The following VSNL1 variants were observed in gnomAD, a reference collection of about 807,000 sequenced individuals.
VSNL1 encodes the protein visinin-like protein 1.
A neutral mutation model predicts 20.4 loss-of-function variants in VSNL1; 6 were observed. That is an observed-to-expected ratio of 0.29 (90% CI 0.16 to 0.58). VSNL1 has a LOEUF of 0.58. Among genes scored for constraint, VSNL1 ranks in the 20% least tolerant of loss-of-function variants. The pLI is 0.90. For missense variants in VSNL1, 100 were observed against 234.5 expected, an observed-to-expected ratio of 0.43 and a Z score of 3.75; for synonymous variants, 93 against 86.4, an observed-to-expected ratio of 1.08 and a Z score of -0.42.
At chr2:17,644,719 A>C (rs1665956623) in intron 2 of VSNL1, among the ~76,000 whole-genome samples, 1 of 152,216 alleles carries the variant, frequency 6.6e-6, no homozygotes, top group Non-Finnish European at 1.5e-5. Context: ...GCCTGTGAGA[A>C]GGACCTGCTT....
intron 1 of VSNL1, among the ~76,000 whole-genome samples, chr2:17,583,103 GGAA>G (rs1191883896): frequency 2.0e-5 from 3 of 152,158 alleles, no homozygotes; most frequent in Admixed American, 6.5e-5. Flanking sequence ...CTCTCAGAGA[GGAA>G]AGAGTACCAG....
intron 3 of VSNL1, among the ~76,000 whole-genome samples, chr2:17,651,550 C>T (rs1390827001): frequency 6.6e-6 from 1 of 152,160 alleles, no homozygotes; most frequent in Admixed American, 6.5e-5. Context: ...ACAGAGTGGT[C>T]TTGTTTTTGC....
At chr2:17,630,948 A>AT (rs1665614936) in intron 2 of VSNL1, among the ~76,000 whole-genome samples, 1 of 152,150 alleles carries the variant, frequency 6.6e-6, no homozygotes, top group Non-Finnish European at 1.5e-5. Flanking sequence ...CGCCTGGCTA[A>AT]TTTTTGTATT....
intron 1 of VSNL1, among the ~76,000 whole-genome samples, chr2:17,587,823 T>C (rs1490631570): frequency 1.3e-5 from 2 of 152,228 alleles, no homozygotes; most frequent in Non-Finnish European, 2.9e-5. Flanking sequence ...AATCTCTTTT[T>C]TACAGTTTTT....
chr2:17,587,348 AACACACACACACACACACACACAC>A (rs67537461), intron 1 of VSNL1, among the ~76,000 whole-genome samples: 1 of 134,574 alleles, frequency 7.4e-6, no homozygotes, highest in Non-Finnish European at 1.6e-5. Context: ...GGCTGAGGGC[AACACACACACACACACACACACAC>A]ACACACACAC....
chr2:17,589,558 T>C (rs1664552365), intron 1 of VSNL1, among the ~76,000 whole-genome samples: 1 of 152,212 alleles, frequency 6.6e-6, no homozygotes, highest in Admixed American at 6.5e-5. Context: ...TTCTGTGTGA[T>C]TCAACCATTG....
At chr2:17,636,457 C>T (rs1039765028) in intron 2 of VSNL1, among the ~76,000 whole-genome samples, 11 of 152,226 alleles carry the variant, frequency 7.2e-5, no homozygotes, top group East Asian at 3.8e-4. Context: ...AGCTCATACA[C>T]GCCCTTTCAC....
intron 2 of VSNL1, among the ~76,000 whole-genome samples, chr2:17,648,045 A>G (rs1333818927): frequency 6.6e-6 from 1 of 152,234 alleles, no homozygotes; most frequent in African/African-American, 2.4e-5. Context: ...GAGATAATAA[A>G]ATGATTGTTG....
intron 2 of VSNL1, among the ~76,000 whole-genome samples, chr2:17,623,951 C>T (rs1460105462): frequency 6.6e-6 from 1 of 152,216 alleles, no homozygotes; most frequent in Non-Finnish European, 1.5e-5. Context: ...TGGGAAATAT[C>T]TGTTAGATTC....
chr2:17,629,213 G>A (rs1025691868), intron 2 of VSNL1, among the ~76,000 whole-genome samples: 2 of 152,180 alleles, frequency 1.3e-5, no homozygotes, highest in Non-Finnish European at 1.5e-5. Context: ...TAGTTGAAGG[G>A]CTCAAAGGCA....
intron 2 of VSNL1, among the ~76,000 whole-genome samples, chr2:17,594,193 A>G (rs1664659552): frequency 6.6e-6 from 1 of 152,210 alleles, no homozygotes; most frequent in South Asian, 2.1e-4. Context: ...ACTGATATAT[A>G]TGCACCAAAA....
chr2:17,563,345 C>T (rs2103349928), intron 1 of VSNL1, among the ~76,000 whole-genome samples: 1 of 152,324 alleles, frequency 6.6e-6, no homozygotes, highest in Non-Finnish European at 1.5e-5. Context: ...TTGGACTCCA[C>T]AGCATGGCTT....
rs546139653 is a variant in VSNL1 at position 17,619,324 on chromosome 2, G to T, written c.162+27088G>T. ...GAGGCCTGGGTATAGGTAGAGAGCG[G>T]GCAATCTTGGTCCATCTTCTCAGCA... is the stretch of plus-strand genomic sequence containing the variant. On this transcript the variant is annotated intron_variant, in intron 2 of 3. Transcript: ENST00000295156. Among the ~76,000 whole-genome samples, 370 of 152,240 alleles carry T rather than the reference G, an allele frequency of 2.4e-3. 1 individual carries two copies. The highest frequency in any genetic ancestry group is 8.7e-3 in the African/African-American group (362 of 41,544).
chr2:17,559,095 G>A (rs535135707), intron 1 of VSNL1, among the ~76,000 whole-genome samples: 126 of 152,070 alleles, frequency 8.3e-4, no homozygotes, highest in African/African-American at 2.3e-3. Flanking sequence ...CTAGTGTGGC[G>A]GCAGCCACAT....
At chr2:17,651,925 G>T (rs78259012) in intron 3 of VSNL1, among the ~76,000 whole-genome samples, 148 of 152,292 alleles carry the variant, frequency 9.7e-4, no homozygotes, top group African/African-American at 3.4e-3. Context: ...AGTTTTGACA[G>T]GCAGGTAAGT....
At chr2:17,555,102 C>A (rs928998745) in intron 1 of VSNL1, among the ~76,000 whole-genome samples, 2 of 152,110 alleles carry the variant, frequency 1.3e-5, no homozygotes, top group Non-Finnish European at 2.9e-5. Context: ...AGATTTCTGC[C>A]CATCTCTGGC....
At chr2:17,610,616 A>C (rs768652763) in intron 2 of VSNL1, among the ~76,000 whole-genome samples, 2 of 152,166 alleles carry the variant, frequency 1.3e-5, no homozygotes, top group Non-Finnish European at 2.9e-5. Context: ...CTAAAAATAC[A>C]TCCATAATCT....
intron 2 of VSNL1, among the ~76,000 whole-genome samples, chr2:17,615,248 T>A (rs533031999): frequency 2.0e-5 from 3 of 152,354 alleles, no homozygotes; most frequent in East Asian, 3.9e-4. Context: ...GGAAGTGGGA[T>A]TGGTGAGAGT....
intron 1 of VSNL1, among the ~76,000 whole-genome samples, chr2:17,575,903 A>T (rs1410301682): frequency 6.6e-6 from 1 of 152,224 alleles, no homozygotes; most frequent in African/African-American, 2.4e-5. Flanking sequence ...CCTATAAGAG[A>T]TCTCTATTTA....
Sources: gnomAD v4.1 joint callset for allele counts (sites outside exome capture counted in the v4.1 genomes callset) on GRCh38, gnomAD v4.1.1 for gene constraint, MANE v1.5 for transcripts, NCBI Gene and HGNC (gene_info 2026-07-23, HGNC 2026-07-21) for gene names.